The following DUSP18 variants were observed in gnomAD, a reference collection of about 807,000 sequenced individuals.
DUSP18 encodes the protein dual specificity phosphatase 18.
Under a neutral mutation model 6.3 loss-of-function variants are expected in DUSP18, and 4 were observed. That is an observed-to-expected ratio of 0.63 (90% confidence interval 0.31 to 1.45). The LOEUF (loss-of-function observed/expected upper bound fraction) is 1.45, where lower values mean the gene tolerates loss of function less well. DUSP18 is among the 40% of genes most tolerant of loss of function. The probability of loss-of-function intolerance (pLI) is 0.07; values close to 1 mark genes in which losing one functional copy is unlikely to be tolerated. For synonymous variants in DUSP18, 96 were observed against 95.1 expected, an observed-to-expected ratio of 1.01 and a Z score of -0.05; for missense variants, 235 against 247.7, an observed-to-expected ratio of 0.95 and a Z score of 0.34.
At chr22:30,658,497 A>G (rs2088392990), downstream of DUSP18, among the ~76,000 whole-genome samples, 1 of 152,036 alleles carries the variant, frequency 6.6e-6, no homozygotes, top group African/African-American at 2.4e-5. Context: ...TCTGAAAAGT[A>G]GAAGAGGGGA....
At chr22:30,655,935 C>CT (rs112567452) in intron 2 of DUSP18, among the ~76,000 whole-genome samples, 17,602 of 147,414 alleles carry the variant, frequency 0.12, 1,376 homozygotes, top group African/African-American at 0.24. Context: ...ATTCTTAGGA[C>CT]TTTTTTTTTT....
chr22:30,653,985 G>GT (rs71814511), intron 2 of DUSP18: 30,817 of 143,360 alleles, frequency 0.21, 3,575 homozygotes, highest in African/African-American at 0.3. Context: ...TTGTTTTTTT[G>GT]TTTTTTTTTT....
chr22:30,655,308 AT>A lies in DUSP18; in HGVS notation c.*34-3012del, dbSNP rs758199509. 6.5e-4 allele frequency among the ~76,000 whole-genome samples: 96 copies of A among 148,140 alleles called. 5 individuals are homozygous for A. Among genetic ancestry groups the A allele is most frequent in the Middle Eastern group, 3.5e-3 (1 of 288 alleles). Reference sequence around the variant, plus strand: ...CTGTCTCTACGGAAAAAAAAAAAAAATAGCCAAGTATGGTGGTGCACGCCTG... The same window carrying A: ...CTGTCTCTACGGAAAAAAAAAAAAAAAGCCAAGTATGGTGGTGCACGCCTG... On this transcript the variant is annotated intron_variant, in intron 2 of 2. Transcript: ENST00000404885.
intron 1 of DUSP18, chr22:30,667,190 A>G (rs1264369322): frequency 6.6e-6 from 1 of 152,230 alleles, no homozygotes; most frequent in Non-Finnish European, 1.5e-5. Flanking sequence ...CCATTTTACA[A>G]AAGAGGAAAG....
At chr22:30,660,782 T>C (rs1476523012), downstream of DUSP18, among the ~76,000 whole-genome samples, 1 of 151,128 alleles carries the variant, frequency 6.6e-6, no homozygotes, top group Admixed American at 6.6e-5. Context: ...TGGGAAACAA[T>C]AGTTAGAATG....
Position 30,663,812 on chromosome 22 carries a change from G to T in DUSP18, c.192C>A (p.Ile64=). ...VEVVNTLYED[I]QYMQVPVADS... ...CAGCCACAGGTACCTGCATGTACTG[G>T]ATATCCTCATACAAGGTGTTCACTA... The change falls in exon 2 of 2, where the codon ATC becomes ATA. Residue 64 remains isoleucine (I), a synonymous_variant. Transcript: ENST00000334679. 6.2e-7 allele frequency: 1 copy of T among 1,614,202 alleles called. No homozygotes were observed. Among genetic ancestry groups the T allele is most frequent in the African/African-American group, 1.3e-5 (1 of 75,056 alleles).
intron 2 of DUSP18, among the ~76,000 whole-genome samples, chr22:30,655,123 G>A (rs2088308575): frequency 1.3e-5 from 2 of 152,126 alleles, no homozygotes; most frequent in South Asian, 4.1e-4. Flanking sequence ...TACAGGGGCT[G>A]TGCAGGGTCT....
In DUSP18 at chr22:30,663,666, G is replaced by A. The variant is rs753195199; in HGVS notation, c.338C>T (p.Ala113Val). The A allele has an allele frequency of 6.2e-6, 10 of 1,614,262 alleles. No individual in the cohort carries two copies. In the South Asian group the frequency reaches 1.1e-4, roughly 18 times the overall value. The change falls in exon 2 of 2, where the codon GCC becomes GTC. Residue 113 changes from alanine (A) to valine (V), a missense_variant. By Grantham distance (64) the Ala-to-Val change is moderately conservative. Transcript: ENST00000334679. ...HCAAGVSRSA[A>V]LCLAYLMKYH... ...CTTCATGAGGTAGGCGAGGCACAGG[G>A]CAGCTGAGCGGCTCACACCAGCAGC...
rs74523117 is a variant in DUSP18 at position 30,664,977 on chromosome 22, G to A, written c.-77-897C>T. The A allele has an allele frequency of 7.7e-3, 1,174 of 152,718 alleles. 5 individuals are homozygous for A. Among genetic ancestry groups the A allele is most frequent in the Non-Finnish European group, 0.01 (687 of 68,310 alleles). The allele number at this position is 152,718 out of a possible 1,614,324, so 9.5% of individuals were successfully genotyped here. On this transcript the variant is annotated intron_variant, in intron 1 of 1. Coordinates refer to ENST00000334679, the MANE Select transcript of DUSP18 (RefSeq NM_152511.5). ...CACCTGCTCGATAGGCTCAGTCGCC[G>A]CTAAGTAATTGGGGTAGAGGTTCAG...
intron 1 of DUSP18, chr22:30,665,425 C>T (rs1172154274): frequency 4.6e-6 from 2 of 438,200 alleles, no homozygotes; most frequent in Admixed American, 5.1e-5. Context: ...TAGGGACAAC[C>T]TGTCCTCTCC....
chr22:30,663,912 T>C lies in DUSP18; in HGVS notation c.92A>G (p.Asn31Ser), dbSNP rs750448299. 10 of 1,614,096 alleles carry C rather than the reference T, an allele frequency of 6.2e-6. No homozygotes were observed. Among genetic ancestry groups the C allele is most frequent in the Non-Finnish European group, 8.5e-6 (10 of 1,180,048 alleles). ...SQITKSLYIS[N>S]GVAANNKLML... ...GAGCTTGTTGTTGGCGGCCACACCA[T>C]TGCTGATATACAGGCTTTTGGTTAT... The change falls in exon 2 of 2, where the codon AAT (asparagine) becomes AGT (serine). Residue 31 changes from asparagine (N) to serine (S), a missense_variant. Physicochemically the swap from Asn to Ser is conservative, Grantham distance 46. Transcript: ENST00000334679.
chr22:30,652,469 A>C (rs1231760925), intron 2 of DUSP18, among the ~76,000 whole-genome samples: 1 of 152,226 alleles, frequency 6.6e-6, no homozygotes, highest in Non-Finnish European at 1.5e-5. Context: ...GGAAAGGGCC[A>C]TTATCATCTT....
At chr22:30,666,081 G>A (rs2088645810) in intron 1 of DUSP18, among the ~76,000 whole-genome samples, 1 of 152,180 alleles carries the variant, frequency 6.6e-6, no homozygotes, top group South Asian at 2.1e-4. Context: ...CTACAGAGGT[G>A]ATATGAAGGG....
At chr22:30,655,185 G>A (rs1025483728) in intron 2 of DUSP18, among the ~76,000 whole-genome samples, 4 of 151,984 alleles carry the variant, frequency 2.6e-5, no homozygotes, top group Non-Finnish European at 2.9e-5. Context: ...GCCAGGTATG[G>A]TGGCTCACAC....
intron 1 of DUSP18, 119 bp from the exon 2 acceptor site, chr22:30,664,199 A>AGTT: frequency 1.7e-6 from 1 of 601,778 alleles, no homozygotes; most frequent in Non-Finnish European, 3.0e-6. Flanking sequence ...TGACCATCAC[A>AGTT]GCAGAACTAC....
chr22:30,655,099 C>G (rs2088308017), intron 2 of DUSP18, among the ~76,000 whole-genome samples: 1 of 152,060 alleles, frequency 6.6e-6, no homozygotes, highest in Non-Finnish European at 1.5e-5. Context: ...AAGAACAGAG[C>G]CACGGTGTGA....
chr22:30,655,988 T>C (rs2088331620), intron 2 of DUSP18, among the ~76,000 whole-genome samples: 1 of 151,868 alleles, frequency 6.6e-6, no homozygotes, highest in South Asian at 2.1e-4. Context: ...CACTGCATCC[T>C]GGGCAAAAGG....
chr22:30,657,910 AAT>A (rs1569065565), downstream of DUSP18, among the ~76,000 whole-genome samples: 46 of 14,698 alleles, frequency 3.1e-3, no homozygotes, highest in Non-Finnish European at 5.8e-3. Flanking sequence ...TCTCAAAAAT[AAT>A]AATAATAATA....
At chr22:30,657,644 C>T (rs1266099550), downstream of DUSP18, among the ~76,000 whole-genome samples, 1 of 151,712 alleles carries the variant, frequency 6.6e-6, no homozygotes, top group Non-Finnish European at 1.5e-5. Context: ...GTGGCTCATG[C>T]CTGTAATCCC....
Sources: allele counts gnomAD v4.1 joint callset (sites outside exome capture counted in the v4.1 genomes callset), GRCh38; gene constraint gnomAD v4.1.1; transcripts MANE v1.5; gene names NCBI Gene and HGNC (gene_info 2026-07-23, HGNC 2026-07-21).